PHACTR1: variants seen among roughly 807,000 people sequenced by gnomAD.
PHACTR1 encodes the protein RPEL repeat containing 1.
A neutral mutation model predicts 69.2 loss-of-function variants in PHACTR1; 16 were observed. The ratio of observed to expected loss-of-function variants is 0.23; its 90% CI spans 0.16 to 0.35. The LOEUF (loss-of-function observed/expected upper bound fraction) is 0.35. Ranked by LOEUF, PHACTR1 falls within the 10% of genes least tolerant of loss-of-function variation. PHACTR1 has a pLI of 1.00. For synonymous variants in PHACTR1, 312 were observed against 284.5 expected, an observed-to-expected ratio of 1.10 and a Z score of -0.97; for missense variants, 510 against 734.7, an observed-to-expected ratio of 0.69 and a Z score of 3.54.
At chr6:13,111,175 C>G (rs1303079100) in intron 5 of PHACTR1, among the ~76,000 whole-genome samples, 1 of 152,130 alleles carries the variant, frequency 6.6e-6, no homozygotes, top group African/African-American at 2.4e-5. Flanking sequence ...TTGACTAGCT[C>G]TTTGTACAAA....
intron 5 of PHACTR1, among the ~76,000 whole-genome samples, chr6:13,072,953 A>G (rs1324361184): frequency 6.6e-6 from 1 of 152,146 alleles, no homozygotes; most frequent in Non-Finnish European, 1.5e-5. Context: ...ATGTTCCGGC[A>G]TTAGACAGTC....
chr6:12,854,206 TTG>T (rs1336880978), intron 4 of PHACTR1, among the ~76,000 whole-genome samples: 2 of 152,210 alleles, frequency 1.3e-5, no homozygotes, highest in Non-Finnish European at 2.9e-5. Context: ...ATGTACTACT[TTG>T]ATTGATTCAT....
At chr6:13,284,567 T>G (rs7747419) in intron 13 of PHACTR1, among the ~76,000 whole-genome samples, 101 of 108,324 alleles carry the variant, frequency 9.3e-4, no homozygotes, top group African/African-American at 2.1e-3. Flanking sequence ...TATATATATA[T>G]ATAGATACAC....
In PHACTR1 at chr6:12,787,986, G is replaced by A. The variant is rs540861582; in HGVS notation, c.250+38196G>A. ...AGCCTGGCCAACATGGCGAAACCCTGTCTCTAGTAAAAAATAGAAAAATCA... is the reference window on the plus strand; with the variant it reads ...AGCCTGGCCAACATGGCGAAACCCTATCTCTAGTAAAAAATAGAAAAATCA... On this transcript the variant is annotated intron_variant, in intron 4 of 14. Coordinates refer to ENST00000332995, the MANE Select transcript of PHACTR1 (RefSeq NM_030948.6). 2.7e-4 allele frequency among the ~76,000 whole-genome samples: 41 copies of A among 152,126 alleles called. 2 individuals carry two copies. The South Asian group carries it at 4.8e-3, about 18-fold the overall frequency.
intron 4 of PHACTR1, among the ~76,000 whole-genome samples, chr6:12,980,752 C>T (rs1795429913): frequency 6.6e-6 from 1 of 152,142 alleles, no homozygotes; most frequent in Non-Finnish European, 1.5e-5. Flanking sequence ...CTGGTGCAGA[C>T]CAAAGACAAA....
chr6:13,263,852 C>T (rs1280287000), intron 10 of PHACTR1, among the ~76,000 whole-genome samples: 3 of 152,174 alleles, frequency 2.0e-5, no homozygotes, highest in African/African-American at 4.8e-5. Context: ...CAGGTGACCA[C>T]GTCGTCGTGC....
At chr6:13,063,600 C>A (rs1808028863) in intron 5 of PHACTR1, among the ~76,000 whole-genome samples, 1 of 148,454 alleles carries the variant, frequency 6.7e-6, no homozygotes, top group Non-Finnish European at 1.5e-5. Context: ...ACAGAAAGAG[C>A]CCATTACCAC....
chr6:12,879,645 ATATTGAG>A (rs1466543073), intron 4 of PHACTR1, among the ~76,000 whole-genome samples: 2 of 152,202 alleles, frequency 1.3e-5, no homozygotes, highest in Non-Finnish European at 2.9e-5. Flanking sequence ...TAGCCAACAC[ATATTGAG>A]TATTAAGTAT....
At chr6:13,151,698 A>G (rs1824333959) in intron 5 of PHACTR1, among the ~76,000 whole-genome samples, 1 of 152,226 alleles carries the variant, frequency 6.6e-6, no homozygotes. Context: ...AAAGACTTGT[A>G]GAACAACATG....
At chr6:13,064,610 ATATCTATCTATC>A (rs1561776594) in intron 5 of PHACTR1, among the ~76,000 whole-genome samples, 9 of 9,270 alleles carry the variant, frequency 9.7e-4, no homozygotes, top group African/African-American at 2.3e-3. Context: ...ATATATCTAT[ATATCTATCTATC>A]CACACTTGCC....
At chr6:13,199,396 AAAAAAAAAAAAAAAAAC>A (rs1031809787) in intron 7 of PHACTR1, among the ~76,000 whole-genome samples, 19 of 150,650 alleles carry the variant, frequency 1.3e-4, no homozygotes, top group African/African-American at 4.1e-4. Context: ...AAAAAAAAAA[AAAAAAAAAAAAAAAAAC>A]ATTGGCATCT....
At chr6:12,823,908 G>A (rs913030969) in intron 4 of PHACTR1, among the ~76,000 whole-genome samples, 4 of 152,096 alleles carry the variant, frequency 2.6e-5, no homozygotes, top group Non-Finnish European at 5.9e-5. Flanking sequence ...ATACATTCCT[G>A]AATTATATTT....
chr6:13,012,024 G>T (rs1038952255), intron 4 of PHACTR1, among the ~76,000 whole-genome samples: 4 of 152,196 alleles, frequency 2.6e-5, no homozygotes, highest in African/African-American at 7.2e-5. Flanking sequence ...TCCAGCAAAA[G>T]GGGGGTGGTT....
chr6:12,846,102 T>C (rs1191651786), intron 4 of PHACTR1, among the ~76,000 whole-genome samples: 1 of 151,738 alleles, frequency 6.6e-6, no homozygotes, highest in African/African-American at 2.4e-5. Flanking sequence ...ACAAACTGAG[T>C]TCCAAACACA....
intron 4 of PHACTR1, among the ~76,000 whole-genome samples, chr6:12,995,071 A>G (rs1480803149): frequency 6.6e-6 from 1 of 152,148 alleles, no homozygotes; most frequent in Non-Finnish European, 1.5e-5. Context: ...TAAAAGTAAA[A>G]CAACATGAAA....
At chr6:13,154,829 A>G (rs1370442647) in intron 5 of PHACTR1, among the ~76,000 whole-genome samples, 1 of 151,206 alleles carries the variant, frequency 6.6e-6, no homozygotes, top group Non-Finnish European at 1.5e-5. Context: ...ACTTTTCATA[A>G]TTCCTTCTTT....
chr6:13,069,828 T>A (rs1809242339), intron 5 of PHACTR1, among the ~76,000 whole-genome samples: 1 of 152,176 alleles, frequency 6.6e-6, no homozygotes, highest in East Asian at 1.9e-4. Flanking sequence ...GCAACAGACC[T>A]ATATAGTATT....
chr6:13,040,663 T>G (rs1803995886), intron 4 of PHACTR1, among the ~76,000 whole-genome samples: 1 of 152,122 alleles, frequency 6.6e-6, no homozygotes, highest in Non-Finnish European at 1.5e-5. Context: ...TCGTGTGAGA[T>G]TCAAGTAAAA....
chr6:13,140,018 A>G (rs1822184321), intron 5 of PHACTR1, among the ~76,000 whole-genome samples: 1 of 152,220 alleles, frequency 6.6e-6, no homozygotes, highest in Non-Finnish European at 1.5e-5. Flanking sequence ...AAAGTATTTA[A>G]GCTCACAGCC....
Sources: allele counts gnomAD v4.1 joint callset (sites outside exome capture counted in the v4.1 genomes callset), GRCh38; gene constraint gnomAD v4.1.1; transcripts MANE v1.5; gene names NCBI Gene and HGNC (gene_info 2026-07-23, HGNC 2026-07-21).